Variants in BORCS5 observed in about 807,000 individuals in gnomAD.
BORCS5 encodes the protein BLOC-1-related complex subunit 5.
In BORCS5, 17 loss-of-function variants were observed where a neutral mutation model predicts 22.1. The observed-to-expected ratio is 0.77, with a 90% CI of 0.53 to 1.15. The LOEUF (loss-of-function observed/expected upper bound fraction) is 1.15. BORCS5 is among the 50% of genes most tolerant of loss of function. The pLI is 0.00. For synonymous variants in BORCS5, 117 were observed against 99.8 expected (o/e 1.17, Z -1.03); for missense variants, 247 against 253.2 (o/e 0.98, Z 0.17).
intron 2 of BORCS5, among the ~76,000 whole-genome samples, chr12:12,362,320 A>C (rs1175985650): frequency 2.0e-5 from 3 of 152,228 alleles, no homozygotes; most frequent in African/African-American, 4.8e-5. Context: ...ACTATTTAGA[A>C]AACAAAAACA....
chr12:12,357,448 C>T lies in BORCS5; in HGVS notation c.-4C>T. The T allele has an allele frequency of 1.2e-6, 2 of 1,607,694 alleles. No individual in the cohort carries two copies. The highest frequency in any genetic ancestry group is 1.7e-6 in the Non-Finnish European group (2 of 1,175,020). ...GTTCTTCTGCTGCCACCGCTGTCGG[C>T]ACCATGGGCAGTGAGCAGAGCTCCG... On this transcript the variant is annotated 5_prime_UTR_variant, in exon 1 of 4. Coordinates refer to ENST00000314565, the MANE Select transcript of BORCS5 (RefSeq NM_058169.6).
At chr12:12,425,373 A>C (rs1266146227) in intron 2 of BORCS5, among the ~76,000 whole-genome samples, 1 of 152,154 alleles carries the variant, frequency 6.6e-6, no homozygotes, top group South Asian at 2.1e-4. Flanking sequence ...TTCCTACCAC[A>C]GTCTTCCCCA....
chr12:12,467,741 T>C lies in BORCS5; in HGVS notation c.*1965T>C, dbSNP rs1443054325. On this transcript the variant is annotated 3_prime_UTR_variant, in exon 4 of 4. Transcript: ENST00000314565. ...TCCCAGAATTCCCTTCCTTGTTTGT[T>C]TCTCTGGTGAGGGTTGGCCACGAGA... is the stretch of plus-strand genomic sequence containing the variant. 1 of 152,270 alleles carries C rather than the reference T, an allele frequency of 6.6e-6. No homozygotes were observed. Among genetic ancestry groups the C allele is most frequent in the Non-Finnish European group, 1.5e-5 (1 of 68,074 alleles). 9.4% of individuals were successfully genotyped at this position (152,270 alleles called of 1,614,324 possible).
rs151180790 is a variant in BORCS5 at position 12,357,481 on chromosome 12, G to A, written c.30G>A (p.Glu10=). ...GCAGTGAGCAGAGCTCCGAGGCCGA[G>A]AGCCGACCCAACGATCTGAACTCCT... MGSEQSSEA[E]SRPNDLNSSV... The change falls in exon 1 of 4, where the codon GAG becomes GAA. Residue 10 remains glutamate, a synonymous_variant. Coordinates refer to ENST00000314565, the MANE Select transcript of BORCS5 (RefSeq NM_058169.6). 8 of 1,611,284 alleles carry A rather than the reference G, an allele frequency of 5.0e-6. No individual in the cohort carries two copies. In the African/African-American group the frequency reaches 9.3e-5, roughly 19 times the overall value.
chr12:12,418,077 G>T (rs1203270629), intron 2 of BORCS5, among the ~76,000 whole-genome samples: 1 of 151,238 alleles, frequency 6.6e-6, no homozygotes, highest in African/African-American at 2.4e-5. Context: ...AGGCTGGAGT[G>T]CAGTGACGCA....
At position 12,447,559 on chromosome 12, in the gene BORCS5, A is replaced by G. The variant is rs977673347; in HGVS notation, c.360+11774A>G. 4.6e-5 allele frequency among the ~76,000 whole-genome samples: 7 copies of G among 152,202 alleles called. No homozygotes were observed. In the East Asian group the frequency reaches 1.3e-3, roughly 29 times the overall value. ...GGGAGCACAAGGCAGCCCCAGTGGC[A>G]GTATACCAAATCATTAGACCAATAT... is the stretch of plus-strand genomic sequence containing the variant. On this transcript the variant is annotated intron_variant, in intron 3 of 3. Coordinates refer to ENST00000314565, the MANE Select transcript of BORCS5 (RefSeq NM_058169.6).
In BORCS5 at chr12:12,399,410, A is replaced by G. The variant is rs371581235; in HGVS notation, c.203-36218A>G. Reference sequence around the variant, plus strand: ...CTTTGGGTGGTTGCTCTGCATTTTCAAGAGGCAGCCTGGGGTGGAGGTCAG... The same window carrying G: ...CTTTGGGTGGTTGCTCTGCATTTTCGAGAGGCAGCCTGGGGTGGAGGTCAG... On this transcript the variant is annotated intron_variant, in intron 2 of 3. Coordinates refer to ENST00000314565, the MANE Select transcript of BORCS5 (RefSeq NM_058169.6). Among the ~76,000 whole-genome samples, 140 of 152,304 alleles carry G rather than the reference A, an allele frequency of 9.2e-4. No individual in the cohort carries two copies. The South Asian group carries it at 0.011, about 12-fold the overall frequency.
chr12:12,464,454 C>A (rs1943163883), intron 3 of BORCS5, among the ~76,000 whole-genome samples: 2 of 152,098 alleles, frequency 1.3e-5, no homozygotes, highest in Admixed American at 1.3e-4. Flanking sequence ...CTCTCTGGTA[C>A]CGGGTGTTGA....
chr12:12,425,839 A>C (rs1182435262), intron 2 of BORCS5, among the ~76,000 whole-genome samples: 2 of 152,186 alleles, frequency 1.3e-5, no homozygotes, highest in Non-Finnish European at 2.9e-5. Flanking sequence ...AAACACTTAT[A>C]GTGGTAGGAT....
At chr12:12,372,696 A>G (rs1309590298) in intron 2 of BORCS5, among the ~76,000 whole-genome samples, 4 of 151,938 alleles carry the variant, frequency 2.6e-5, no homozygotes, top group South Asian at 4.1e-4. Flanking sequence ...TGAGTACTCT[A>G]CCTGTTGCCT....
intron 2 of BORCS5, among the ~76,000 whole-genome samples, chr12:12,362,636 C>CTTTTTTTTTTTTTTT (rs71436712): frequency 1.9e-4 from 11 of 57,554 alleles, no homozygotes; most frequent in African/African-American, 3.8e-4. Flanking sequence ...TGTTACTCAT[C>CTTTTTTTTTTTTTTT]TTTTTTTTTT....
chr12:12,421,498 G>A (rs1327748088), intron 2 of BORCS5, among the ~76,000 whole-genome samples: 1 of 152,138 alleles, frequency 6.6e-6, no homozygotes, highest in Non-Finnish European at 1.5e-5. Flanking sequence ...CAGGGATATT[G>A]GTCTAAAATT....
chr12:12,407,708 G>GTTT (rs111497303), intron 2 of BORCS5, among the ~76,000 whole-genome samples: 5 of 139,036 alleles, frequency 3.6e-5, no homozygotes, highest in East Asian at 4.2e-4. Flanking sequence ...TATTCTTTTT[G>GTTT]TTTTTTTTTT....
intron 2 of BORCS5, among the ~76,000 whole-genome samples, chr12:12,396,902 A>G (rs1941362956): frequency 6.6e-6 from 1 of 152,234 alleles, no homozygotes; most frequent in Non-Finnish European, 1.5e-5. Context: ...TTTGAAAATC[A>G]AAAGCATGTG....
chr12:12,427,172 C>CTTTTTTTTTTTTTTTT (rs869191667), intron 2 of BORCS5, among the ~76,000 whole-genome samples: 9 of 84,486 alleles, frequency 1.1e-4, no homozygotes, highest in Admixed American at 3.1e-4. Context: ...TCTTTCTTTT[C>CTTTTTTTTTTTTTTTT]TTTTTTTTTT....
At chr12:12,421,222 C>T (rs1245090734) in intron 2 of BORCS5, among the ~76,000 whole-genome samples, 2 of 152,128 alleles carry the variant, frequency 1.3e-5, no homozygotes. Flanking sequence ...GAGATACGTT[C>T]CATCAATACC....
At chr12:12,418,452 G>A (rs1311590659) in intron 2 of BORCS5, among the ~76,000 whole-genome samples, 1 of 152,134 alleles carries the variant, frequency 6.6e-6, no homozygotes, top group Non-Finnish European at 1.5e-5. Flanking sequence ...TTGAGAGGCT[G>A]AGACAGGAGG....
intron 2 of BORCS5, among the ~76,000 whole-genome samples, chr12:12,390,018 T>G (rs978198897): frequency 6.6e-6 from 1 of 152,106 alleles, no homozygotes; most frequent in Non-Finnish European, 1.5e-5. Flanking sequence ...ACTGTTTTCT[T>G]TGCTTTCCCA....
chr12:12,425,090 G>T (rs1005094250), intron 2 of BORCS5, among the ~76,000 whole-genome samples: 45 of 152,224 alleles, frequency 3.0e-4, no homozygotes, highest in African/African-American at 1.1e-3. Flanking sequence ...ATATTTAGAG[G>T]ACAGGGTCCT....
Sources: allele counts gnomAD v4.1 joint callset (sites outside exome capture counted in the v4.1 genomes callset), GRCh38; gene constraint gnomAD v4.1.1; transcripts MANE v1.5; gene names NCBI Gene and HGNC (gene_info 2026-07-23, HGNC 2026-07-21).